WWOX: variants seen among roughly 807,000 people sequenced by gnomAD.
WWOX encodes WW domain-containing oxidoreductase.
WWOX carries 69 observed loss-of-function variants against 46.2 expected under a neutral mutation model. That is an observed-to-expected ratio of 1.49 (90% CI 1.23 to 1.82). WWOX has a LOEUF of 1.82. WWOX is among the 40% of genes most tolerant of loss of function. The probability of loss-of-function intolerance (pLI) is 0.00; values close to 1 mark genes in which losing one functional copy is unlikely to be tolerated. For missense variants in WWOX, 919 were observed against 542.6 expected, an observed-to-expected ratio of 1.69 and a Z score of -6.89; for synonymous variants, 359 against 202.6, an observed-to-expected ratio of 1.77 and a Z score of -6.56.
At chr16:78,280,589 T>G (rs2079658776) in intron 5 of WWOX, among the ~76,000 whole-genome samples, 1 of 150,910 alleles carries the variant, frequency 6.6e-6, no homozygotes, top group African/African-American at 2.4e-5. Flanking sequence ...CTCAGGAAAC[T>G]TACAATCATG....
intron 5 of WWOX, among the ~76,000 whole-genome samples, chr16:78,263,383 C>A (rs941041696): frequency 6.6e-6 from 1 of 152,064 alleles, no homozygotes; most frequent in Non-Finnish European, 1.5e-5. Flanking sequence ...ATGTGCTCAC[C>A]CCTTAATTCA....
intron 8 of WWOX, among the ~76,000 whole-genome samples, chr16:78,911,470 A>T (rs1291416683): frequency 6.6e-6 from 1 of 152,036 alleles, no homozygotes; most frequent in African/African-American, 2.4e-5. Flanking sequence ...TAATGGTGAA[A>T]GATTCAGAAG....
intron 5 of WWOX, 65 bp from the exon 6 acceptor site, chr16:78,386,795 T>G: frequency 7.1e-7 from 1 of 1,405,232 alleles, no homozygotes; most frequent in Non-Finnish European, 1.0e-6. Flanking sequence ...ACATTTACTG[T>G]AACTTGATAC....
At chr16:78,440,508 T>G (rs1369669654) in intron 8 of WWOX, among the ~76,000 whole-genome samples, 1 of 152,202 alleles carries the variant, frequency 6.6e-6, no homozygotes, top group African/African-American at 2.4e-5. Flanking sequence ...ACTGCCTGAC[T>G]CGTAGTAGCA....
chr16:78,409,844 C>A (rs938213390), intron 6 of WWOX, among the ~76,000 whole-genome samples: 1 of 152,176 alleles, frequency 6.6e-6, no homozygotes, highest in Non-Finnish European at 1.5e-5. Context: ...CCCTGTAGTC[C>A]CATTTCCCTC....
intron 8 of WWOX, among the ~76,000 whole-genome samples, chr16:78,680,511 C>T (rs2047704154): frequency 6.6e-6 from 1 of 152,066 alleles, no homozygotes. Flanking sequence ...GCTACAGGGA[C>T]TCTGTCTCAA....
intron 8 of WWOX, among the ~76,000 whole-genome samples, chr16:79,097,098 T>C (rs543472836): frequency 1.3e-5 from 2 of 152,188 alleles, no homozygotes; most frequent in South Asian, 4.2e-4. Context: ...GTTAACTTAC[T>C]TGCTTCCATC....
At position 78,346,796 on chromosome 16, in the gene WWOX, C is replaced by CT. The variant is rs769635111; in HGVS notation, c.517-40063dup. Among the ~76,000 whole-genome samples the CT allele has an allele frequency of 2.2e-4, 26 of 120,680 alleles. 5 individuals are homozygous for CT. Among genetic ancestry groups the CT allele is most frequent in the Non-Finnish European group, 3.8e-4 (19 of 50,570 alleles). 79.2% of individuals were successfully genotyped at this position (120,680 alleles called of 152,430 possible). On this transcript the variant is annotated intron_variant, in intron 5 of 8. Coordinates refer to ENST00000566780, the MANE Select transcript of WWOX (RefSeq NM_016373.4). ...CTTGGTTTACTGCAACCTCTGCCTA[C>CT]TGGGTTCAAGCGATTTTCCTGCCTC... is the stretch of plus-strand genomic sequence containing the variant.
chr16:78,694,264 G>T (rs2142274524), intron 8 of WWOX, among the ~76,000 whole-genome samples: 1 of 152,262 alleles, frequency 6.6e-6, no homozygotes, highest in Non-Finnish European at 1.5e-5. Context: ...TCAGAGGTTA[G>T]GGGTCGGGTC....
At chr16:78,595,373 C>G (rs948268588) in intron 8 of WWOX, among the ~76,000 whole-genome samples, 5 of 142,262 alleles carry the variant, frequency 3.5e-5, no homozygotes, top group African/African-American at 1.2e-4. Context: ...TTGCTTCAAC[C>G]CTCCCCGCTG....
At chr16:78,529,880 C>G (rs1192519801) in intron 8 of WWOX, among the ~76,000 whole-genome samples, 1 of 152,190 alleles carries the variant, frequency 6.6e-6, no homozygotes, top group Non-Finnish European at 1.5e-5. Flanking sequence ...GCAAAAATAA[C>G]AGGTAATGCT....
chr16:79,168,673 G>T (rs949214127), intron 8 of WWOX, among the ~76,000 whole-genome samples: 2 of 152,118 alleles, frequency 1.3e-5, no homozygotes, highest in African/African-American at 4.8e-5. Context: ...TCACCTCTAG[G>T]CTCTTACCTG....
chr16:78,735,434 G>T (rs1041674172), intron 8 of WWOX, among the ~76,000 whole-genome samples: 1 of 108,926 alleles, frequency 9.2e-6, no homozygotes, highest in African/African-American at 5.7e-5. Flanking sequence ...CACTAATATG[G>T]TTCTGATTCT....
At chr16:78,753,201 G>A (rs1045804500) in intron 8 of WWOX, among the ~76,000 whole-genome samples, 1 of 152,124 alleles carries the variant, frequency 6.6e-6, no homozygotes, top group Non-Finnish European at 1.5e-5. Flanking sequence ...TCTGGAGGCT[G>A]AGACAGGATA....
At chr16:78,306,362 G>A (rs921729592) in intron 5 of WWOX, among the ~76,000 whole-genome samples, 6 of 152,082 alleles carry the variant, frequency 3.9e-5, no homozygotes, top group Non-Finnish European at 8.8e-5. Flanking sequence ...CTGGTCAGGC[G>A]ATCAGGGATT....
At chr16:78,887,210 A>G (rs578222403) in intron 8 of WWOX, among the ~76,000 whole-genome samples, 1 of 151,808 alleles carries the variant, frequency 6.6e-6, no homozygotes, top group Non-Finnish European at 1.5e-5. Flanking sequence ...ATGTCAAAAA[A>G]GAGTCTCAAT....
intron 8 of WWOX, among the ~76,000 whole-genome samples, chr16:78,490,963 C>A (rs923523481): frequency 6.6e-6 from 1 of 152,302 alleles, no homozygotes; most frequent in African/African-American, 2.4e-5. Flanking sequence ...CTTGGCTCAC[C>A]AGCCCCTGAG....
At chr16:78,665,624 C>G (rs148607343) in intron 8 of WWOX, among the ~76,000 whole-genome samples, 31 of 152,162 alleles carry the variant, frequency 2.0e-4, no homozygotes, top group African/African-American at 6.5e-4. Context: ...AGGGTGGGTC[C>G]TAGTGGTAGG....
chr16:78,374,567 A>T (rs1312022089), intron 5 of WWOX, among the ~76,000 whole-genome samples: 2 of 72,716 alleles, frequency 2.8e-5, no homozygotes, highest in Admixed American at 2.0e-4. Flanking sequence ...TTTTTTTTTT[A>T]AGGCAGAGTT....
Sources: allele counts gnomAD v4.1 joint callset (sites outside exome capture counted in the v4.1 genomes callset), GRCh38; gene constraint gnomAD v4.1.1; transcripts MANE v1.5; gene names NCBI Gene and HGNC (gene_info 2026-07-23, HGNC 2026-07-21).